LRP1B: variants seen among roughly 807,000 people sequenced by gnomAD.
The protein encoded by LRP1B is LDL receptor related protein 1B.
In LRP1B, 217 loss-of-function variants were observed where a neutral mutation model predicts 556.6. The ratio of observed to expected loss-of-function variants is 0.39; its 90% CI spans 0.35 to 0.44. LRP1B has a LOEUF of 0.44. Ranked by LOEUF, LRP1B falls within the 20% of genes least tolerant of loss-of-function variation. LRP1B has a pLI of 1.00. For missense variants in LRP1B, 5,053 were observed against 5,620.8 expected, an observed-to-expected ratio of 0.90 and a Z score of 3.23; for synonymous variants, 2,047 against 1,865.8, an observed-to-expected ratio of 1.10 and a Z score of -2.50.
chr2:141,999,824 T>A (rs1702603775), intron 1 of LRP1B, among the ~76,000 whole-genome samples: 1 of 151,914 alleles, frequency 6.6e-6, no homozygotes. Flanking sequence ...TATTTGTTTA[T>A]TTTCTAATTT....
chr2:140,456,398 A>G (rs1045211454), intron 62 of LRP1B, 57 bp downstream of exon 62: 8 of 1,523,046 alleles, frequency 5.3e-6, no homozygotes, highest in African/African-American at 4.1e-5. Context: ...TATGCTAAAC[A>G]AAAGAGCTGA....
chr2:140,811,235 G>A (rs16844805), intron 32 of LRP1B, among the ~76,000 whole-genome samples: 127 of 152,146 alleles, frequency 8.3e-4, no homozygotes, highest in Non-Finnish European at 1.3e-3. Context: ...TGGGCATTAC[G>A]ATCTCATTCA....
chr2:140,979,532 A>G (rs896552488), intron 18 of LRP1B, among the ~76,000 whole-genome samples: 12 of 152,160 alleles, frequency 7.9e-5, no homozygotes, highest in Non-Finnish European at 1.5e-4. Context: ...CTAATTCCAC[A>G]TTCAGAGAAT....
intron 7 of LRP1B, among the ~76,000 whole-genome samples, chr2:141,172,483 A>G (rs1263266666): frequency 6.6e-6 from 1 of 152,062 alleles, no homozygotes; most frequent in Non-Finnish European, 1.5e-5. Flanking sequence ...TCATAATCTT[A>G]CTGACTAAAA....
Position 140,382,211 on chromosome 2 carries a change from T to A in LRP1B, c.10531+3682A>T, listed in dbSNP as rs1573870513. Among the ~76,000 whole-genome samples the A allele has an allele frequency of 2.0e-5, 3 of 152,170 alleles. No individual in the cohort carries two copies. In the South Asian group the frequency reaches 6.2e-4, roughly 31 times the overall value. ...TATAACTTATACTCTATACAAATAA[T>A]CTTCTGATAGAAATTCAGTGTGAAA... On this transcript the variant is annotated intron_variant, in intron 67 of 90. Transcript: ENST00000389484.
intron 2 of LRP1B, among the ~76,000 whole-genome samples, chr2:141,729,764 T>G (rs1452780213): frequency 6.6e-6 from 1 of 152,216 alleles, no homozygotes; most frequent in Non-Finnish European, 1.5e-5. Flanking sequence ...TTTATTGCTT[T>G]CATTTTCTAT....
At chr2:141,814,157 A>AGGAAGAAGAGTACAAAACG (rs1435359441) in intron 1 of LRP1B, among the ~76,000 whole-genome samples, 1 of 152,194 alleles carries the variant, frequency 6.6e-6, no homozygotes, top group Non-Finnish European at 1.5e-5. Flanking sequence ...TGAGATAATC[A>AGGAAGAAGAGTACAAAACG]GGAAGAAGAG....
At chr2:140,876,544 T>C (rs953637474) in intron 25 of LRP1B, among the ~76,000 whole-genome samples, 5 of 152,158 alleles carry the variant, frequency 3.3e-5, no homozygotes, top group African/African-American at 1.2e-4. Context: ...AAAAGCCCCT[T>C]GCAAAAACTG....
At chr2:140,778,180 T>C (rs765977032) in intron 32 of LRP1B, among the ~76,000 whole-genome samples, 3 of 152,202 alleles carry the variant, frequency 2.0e-5, no homozygotes, top group Non-Finnish European at 4.4e-5. Context: ...CTGGAGGGAA[T>C]GTCTTATGAG....
Position 141,923,487 on chromosome 2 carries a change from T to TGTGTAG in LRP1B, c.83-113087_83-113086insCTACAC, listed in dbSNP as rs1553485502. On this transcript the variant is annotated intron_variant, in intron 1 of 90. Transcript: ENST00000389484. ...GTGTGTGTGTGTGTGTGTGTGTGTG[T>TGTGTAG]AGAGAGAGGGAGGGAGGGGGAGAGA... Among the ~76,000 whole-genome samples, 35 of 58,376 alleles carry TGTGTAG rather than the reference T, an allele frequency of 6.0e-4. 1 individual carries two copies. Among genetic ancestry groups the TGTGTAG allele is most frequent in the East Asian group, 1.2e-3 (2 of 1,692 alleles). The allele number at this position is 58,376 out of a possible 152,430, so 38.3% of individuals were successfully genotyped here.
At chr2:141,179,009 T>C (rs1214135296) in intron 7 of LRP1B, among the ~76,000 whole-genome samples, 3 of 152,082 alleles carry the variant, frequency 2.0e-5, no homozygotes, top group Non-Finnish European at 2.9e-5. Context: ...TATAAGAAGA[T>C]TGTTCTATTG....
chr2:140,894,677 G>A (rs112573324), intron 23 of LRP1B, among the ~76,000 whole-genome samples: 4,699 of 152,130 alleles, frequency 0.031, 117 homozygotes, highest in Middle Eastern at 0.062. Flanking sequence ...GGCCGGGCAC[G>A]GACGCTTACA....
intron 31 of LRP1B, among the ~76,000 whole-genome samples, chr2:140,833,059 G>T (rs886153803): frequency 6.6e-6 from 1 of 152,160 alleles, no homozygotes; most frequent in African/African-American, 2.4e-5. Context: ...GAGGGTATGT[G>T]TGTGCATGAG....
intron 3 of LRP1B, among the ~76,000 whole-genome samples, chr2:141,333,021 C>A (rs1223749665): frequency 3.3e-5 from 5 of 151,796 alleles, no homozygotes; most frequent in Non-Finnish European, 7.4e-5. Flanking sequence ...TTTTTAAAAT[C>A]TTTTTTTAAC....
chr2:141,334,364 T>C (rs1687768931), intron 3 of LRP1B, among the ~76,000 whole-genome samples: 1 of 152,242 alleles, frequency 6.6e-6, no homozygotes, highest in African/African-American at 2.4e-5. Flanking sequence ...TTCCTCCTGC[T>C]CTAGCAATGT....
chr2:140,596,462 T>A (rs1487385861), intron 43 of LRP1B, among the ~76,000 whole-genome samples: 1 of 152,194 alleles, frequency 6.6e-6, no homozygotes, highest in Admixed American at 6.5e-5. Context: ...TGCTGACAAG[T>A]TGAGTAAATC....
chr2:140,894,634 G>A (rs1225989860), intron 23 of LRP1B, among the ~76,000 whole-genome samples: 3 of 152,052 alleles, frequency 2.0e-5, no homozygotes, highest in African/African-American at 4.8e-5. Flanking sequence ...ATGATATCCG[G>A]GGAAGTAGAA....
chr2:141,469,407 T>C (rs1416451851), intron 3 of LRP1B, among the ~76,000 whole-genome samples: 3 of 152,162 alleles, frequency 2.0e-5, no homozygotes, highest in African/African-American at 7.2e-5. Context: ...AGAGGCTTGG[T>C]AGCTTAAACA....
chr2:141,757,564 A>AT (rs144744732), intron 2 of LRP1B, among the ~76,000 whole-genome samples: 6,116 of 151,938 alleles, frequency 0.04, 417 homozygotes, highest in African/African-American at 0.14. Flanking sequence ...ACTATAACTA[A>AT]TTTTTTTTGA....
Sources: allele counts gnomAD v4.1 joint callset (sites outside exome capture counted in the v4.1 genomes callset), GRCh38; gene constraint gnomAD v4.1.1; transcripts MANE v1.5; gene names NCBI Gene and HGNC (gene_info 2026-07-23, HGNC 2026-07-21).